Variants in SYNE2 observed in about 807,000 individuals in gnomAD.
The protein encoded by SYNE2 is spectrin repeat containing nuclear envelope protein 2.
In SYNE2, 431 loss-of-function variants were observed where a neutral mutation model predicts 856.3. The ratio of observed to expected loss-of-function variants is 0.50; its 90% CI spans 0.47 to 0.55. The LOEUF (loss-of-function observed/expected upper bound fraction) is 0.55, where lower values mean the gene tolerates loss of function less well. Ranked by LOEUF, SYNE2 falls within the 20% of genes least tolerant of loss-of-function variation. SYNE2 has a pLI of 0.00. For missense variants in SYNE2, 8,129 were observed against 8,023.2 expected, an observed-to-expected ratio of 1.01 and a Z score of -0.50; for synonymous variants, 2,923 against 2,872.3, an observed-to-expected ratio of 1.02 and a Z score of -0.56.
chr14:63,957,081 G>T (rs1057059116), intron 8 of SYNE2, among the ~76,000 whole-genome samples: 3 of 150,932 alleles, frequency 2.0e-5, no homozygotes, highest in Admixed American at 2.0e-4. Context: ...TGTCTGCAAG[G>T]TCATCCATGT....
chr14:63,793,770 C>CA (rs1566570065), intron 1 of SYNE2, among the ~76,000 whole-genome samples: 1 of 150,932 alleles, frequency 6.6e-6, no homozygotes, highest in African/African-American at 2.4e-5. Flanking sequence ...GGCCCCCCCC[C>CA]AACTAAAAAA....
rs374386288 is a variant in SYNE2 at position 64,167,447 on chromosome 14, G to A, written c.16761-48G>A. 433 of 1,614,062 alleles carry A rather than the reference G, an allele frequency of 2.7e-4. 1 individual carries two copies. The highest frequency in any genetic ancestry group is 7.7e-4 in the African/African-American group (58 of 74,930). ...AAGGTAAAATTAACGGCTTCAGCTC[G>A]GGAATGGCATTGTTAACATGGGTGT... On this transcript the variant is annotated intron_variant, in intron 91 of 115. Transcript: ENST00000555002.
At chr14:63,993,479 G>A (rs780478089) in intron 21 of SYNE2, among the ~76,000 whole-genome samples, 8 of 152,220 alleles carry the variant, frequency 5.3e-5, no homozygotes, top group Non-Finnish European at 1.0e-4. Context: ...AAGAACTTTA[G>A]AGGAAACTTA....
chr14:63,927,524 T>A (rs182324975), intron 2 of SYNE2, among the ~76,000 whole-genome samples: 13 of 152,244 alleles, frequency 8.5e-5, no homozygotes, highest in Non-Finnish European at 1.5e-4. Flanking sequence ...AATGAATAAG[T>A]CTCATGAGAT....
intron 1 of SYNE2, among the ~76,000 whole-genome samples, chr14:63,854,182 GT>G (rs1234811721): frequency 7.2e-6 from 1 of 139,696 alleles, no homozygotes; most frequent in African/African-American, 2.6e-5. Flanking sequence ...TTTTTTTTGA[GT>G]TTGTTTTATT....
At position 64,014,047 on chromosome 14, in the gene SYNE2, G is replaced by T. The variant is rs2096868794; in HGVS notation, c.4729-2426G>T. Among the ~76,000 whole-genome samples the T allele has an allele frequency of 2.6e-5, 4 of 151,720 alleles. No homozygotes were observed. In the South Asian group the frequency reaches 8.3e-4, roughly 32 times the overall value. On this transcript the variant is annotated intron_variant, in intron 32 of 115. Transcript: ENST00000555002. ...CTAATCCCAGACAGCCACTAATATA[G>T]TCTCTATTTCTATAATTTTATTATT...
Position 64,221,718 on chromosome 14 carries a change from C to A in SYNE2, c.20190+14C>A. The A allele has an allele frequency of 6.2e-7, 1 of 1,613,504 alleles. No individual in the cohort carries two copies. Among genetic ancestry groups the A allele is most frequent in the South Asian group, 1.1e-5 (1 of 91,058 alleles). On this transcript the variant is annotated intron_variant, in intron 112 of 115. Transcript: ENST00000555002. ...AGGGAACTAATGGTAAGTTTCCTCC[C>A]AAGGGCTCTGTACTGCCACCAGCCT... is the stretch of plus-strand genomic sequence containing the variant.
intron 25 of SYNE2, 147 bp from the exon 26 acceptor site, chr14:63,998,072 T>C (rs1041740664): frequency 3.6e-5 from 25 of 698,284 alleles, no homozygotes; most frequent in Non-Finnish European, 4.9e-5. Context: ...GACTTTTCTC[T>C]GAGCTGAGAC....
intron 33 of SYNE2, among the ~76,000 whole-genome samples, 154 bp downstream of exon 33, chr14:64,016,785 G>A (rs1463044348): frequency 6.6e-6 from 1 of 151,932 alleles, no homozygotes; most frequent in African/African-American, 2.4e-5. Flanking sequence ...CCCAGAGTTG[G>A]GACTACTAAC....
At chr14:63,780,262 T>C (rs900388483) in intron 1 of SYNE2, among the ~76,000 whole-genome samples, 6 of 151,830 alleles carry the variant, frequency 4.0e-5, no homozygotes, top group Admixed American at 3.3e-4. Context: ...GGCCAGGCAT[T>C]GTGGCTCATG....
intron 115 of SYNE2, 78 bp downstream of exon 115, chr14:64,225,123 TC>T: frequency 6.3e-7 from 1 of 1,578,766 alleles, no homozygotes. Context: ...AATGCCACTA[TC>T]AAGGTCCTTG....
At chr14:63,783,650 A>G (rs1463689816) in intron 1 of SYNE2, among the ~76,000 whole-genome samples, 8 of 152,230 alleles carry the variant, frequency 5.3e-5, no homozygotes, top group African/African-American at 1.9e-4. Context: ...GAAACATAAG[A>G]CACATCCAAA....
intron 1 of SYNE2, among the ~76,000 whole-genome samples, chr14:63,805,290 T>C (rs1888314749): frequency 6.6e-6 from 1 of 152,264 alleles, no homozygotes; most frequent in African/African-American, 2.4e-5. Flanking sequence ...GCATTGAATC[T>C]GTAAATTACT....
At position 63,938,381 on chromosome 14, in the gene SYNE2, A is replaced by G. The variant is rs112627725; in HGVS notation, c.80-2233A>G. ...TGGGAGGTCAAGGCTGCAGTGAGTC[A>G]TGATCACACCCCTGCACTCCAGCTT... On this transcript the variant is annotated intron_variant, in intron 2 of 115. Transcript: ENST00000555002. 9.4e-3 allele frequency among the ~76,000 whole-genome samples: 1,431 copies of G among 152,286 alleles called. 26 individuals are homozygous for G. The highest frequency in any genetic ancestry group is 0.032 in the African/African-American group (1,348 of 41,550).
chr14:64,131,907 G>A (rs1047157221), intron 76 of SYNE2, among the ~76,000 whole-genome samples: 6 of 147,118 alleles, frequency 4.1e-5, no homozygotes, highest in African/African-American at 1.6e-4. Flanking sequence ...TTCCACTAGT[G>A]TTCAAAGACT....
chr14:64,065,550 C>A lies in SYNE2; in HGVS notation c.10331C>A (p.Ser3444Ter). ...NDGICLLKIVSALWEKWLSLL... is the reference protein window; with the variant it reads ...NDGICLLKIV ...GGCATATGTTTGCTCAAGATTGTGTCGGCTCTGTGGGAGAAATGGCTGAGT... is the reference window on the plus strand; with the variant it reads ...GGCATATGTTTGCTCAAGATTGTGTAGGCTCTGTGGGAGAAATGGCTGAGT... Residue 3444 changes from serine (S) to a stop codon, truncating the protein, a stop_gained, in exon 51 of 116, where the codon TCG (serine) becomes TAG (stop). Coordinates refer to ENST00000555002, the MANE Select transcript of SYNE2 (RefSeq NM_182914.3). LOFTEE classifies it high-confidence loss of function. 1 of 1,614,022 alleles carries A rather than the reference C, an allele frequency of 6.2e-7. No homozygotes were observed. The highest frequency in any genetic ancestry group is 8.5e-7 in the Non-Finnish European group (1 of 1,180,008).
At chr14:63,886,797 C>A (rs888204911) in intron 1 of SYNE2, among the ~76,000 whole-genome samples, 1 of 151,964 alleles carries the variant, frequency 6.6e-6, no homozygotes, top group South Asian at 2.1e-4. Flanking sequence ...GTAGCTGGGA[C>A]TACAGGTGTG....
intron 1 of SYNE2, among the ~76,000 whole-genome samples, chr14:63,820,145 G>T (rs1227750561): frequency 6.6e-6 from 1 of 152,020 alleles, no homozygotes; most frequent in African/African-American, 2.4e-5. Context: ...CTGAAAAAGG[G>T]CAAAGTTGGA....
chr14:63,795,311 G>T (rs1211076273), intron 1 of SYNE2, among the ~76,000 whole-genome samples: 2 of 151,918 alleles, frequency 1.3e-5, no homozygotes, highest in Non-Finnish European at 2.9e-5. Flanking sequence ...AATGTGAAAA[G>T]CCTAGACTGG....
Sources: gnomAD v4.1 joint callset for allele counts (sites outside exome capture counted in the v4.1 genomes callset) on GRCh38, gnomAD v4.1.1 for gene constraint, MANE v1.5 for transcripts, NCBI Gene and HGNC (gene_info 2026-07-23, HGNC 2026-07-21) for gene names.